FBXL7: variants seen among roughly 807,000 people sequenced by gnomAD.
FBXL7 encodes F-box and leucine rich repeat protein 7, also known as F-box/LRR-repeat protein 7.
FBXL7 carries 12 observed loss-of-function variants against 38.3 expected under a neutral mutation model. The observed-to-expected ratio is 0.31, with a 90% CI of 0.20 to 0.51. The LOEUF (loss-of-function observed/expected upper bound fraction) is 0.51. FBXL7 is among the 20% of genes least tolerant of loss of function. FBXL7 has a pLI of 0.98. For synonymous variants in FBXL7, 297 were observed against 300.9 expected (o/e 0.99, Z 0.13); for missense variants, 567 against 676.4 (o/e 0.84, Z 1.79).
At chr5:15,720,340 T>C (rs1159683533) in intron 2 of FBXL7, among the ~76,000 whole-genome samples, 2 of 148,422 alleles carry the variant, frequency 1.3e-5, no homozygotes, top group Non-Finnish European at 3.0e-5. Flanking sequence ...GGGTAAATTA[T>C]ACAACCAATT....
intron 1 of FBXL7, among the ~76,000 whole-genome samples, chr5:15,595,093 T>C (rs754717397): frequency 2.6e-5 from 4 of 152,228 alleles, no homozygotes; most frequent in Non-Finnish European, 5.9e-5. Context: ...CTGCAGTGTG[T>C]ACAAGACTAT....
At chr5:15,739,157 A>G (rs1475132870) in intron 2 of FBXL7, among the ~76,000 whole-genome samples, 7 of 152,146 alleles carry the variant, frequency 4.6e-5, no homozygotes, top group African/African-American at 1.7e-4. Context: ...CATCCACTTC[A>G]GCTTCCTCTG....
intron 1 of FBXL7, among the ~76,000 whole-genome samples, chr5:15,539,774 A>T (rs925569851): frequency 4.6e-5 from 7 of 151,880 alleles, no homozygotes; most frequent in African/African-American, 1.7e-4. Flanking sequence ...TACTATATTT[A>T]TTACAGTGGC....
intron 2 of FBXL7, among the ~76,000 whole-genome samples, chr5:15,749,151 A>C (rs965374724): frequency 6.7e-6 from 1 of 148,670 alleles, no homozygotes; most frequent in African/African-American, 2.5e-5. Context: ...AGGCTGAGGC[A>C]GGAGAATTGC....
At chr5:15,608,544 G>T (rs1021412250) in intron 1 of FBXL7, among the ~76,000 whole-genome samples, 1 of 152,164 alleles carries the variant, frequency 6.6e-6, no homozygotes, top group Non-Finnish European at 1.5e-5. Flanking sequence ...TCTAGATATT[G>T]CTGTGAAGGT....
intron 1 of FBXL7, among the ~76,000 whole-genome samples, chr5:15,508,098 A>G (rs1736695759): frequency 6.6e-6 from 1 of 152,162 alleles, no homozygotes; most frequent in Admixed American, 6.5e-5. Flanking sequence ...AACCCACCCA[A>G]CAGCATAGCT....
At chr5:15,903,940 T>C (rs1741293972) in intron 2 of FBXL7, among the ~76,000 whole-genome samples, 1 of 152,126 alleles carries the variant, frequency 6.6e-6, no homozygotes, top group Non-Finnish European at 1.5e-5. Context: ...AGTACTTTTT[T>C]ATAGCCTATG....
chr5:15,669,306 GA>G (rs1235530817), intron 2 of FBXL7, among the ~76,000 whole-genome samples: 2 of 152,186 alleles, frequency 1.3e-5, no homozygotes, highest in Non-Finnish European at 2.9e-5. Context: ...TGAGTTTGAA[GA>G]TAAGTTCAGG....
chr5:15,572,708 A>T (rs1041833628), intron 1 of FBXL7, among the ~76,000 whole-genome samples: 1 of 152,136 alleles, frequency 6.6e-6, no homozygotes, highest in Non-Finnish European at 1.5e-5. Flanking sequence ...ATTGTGGAAC[A>T]TTGACTCAGA....
At chr5:15,889,155 A>G (rs1436418287) in intron 2 of FBXL7, among the ~76,000 whole-genome samples, 1 of 152,140 alleles carries the variant, frequency 6.6e-6, no homozygotes, top group African/African-American at 2.4e-5. Context: ...ATCCACTAGG[A>G]AGGAAACTGG....
At chr5:15,831,537 G>C (rs1738456089) in intron 2 of FBXL7, among the ~76,000 whole-genome samples, 1 of 152,172 alleles carries the variant, frequency 6.6e-6, no homozygotes, top group South Asian at 2.1e-4. Flanking sequence ...GTCCAGTGCT[G>C]TGGGGAAACA....
chr5:15,534,156 G>A (rs1462711857), intron 1 of FBXL7, among the ~76,000 whole-genome samples: 1 of 152,096 alleles, frequency 6.6e-6, no homozygotes, highest in East Asian at 1.9e-4. Context: ...GTTACAATCA[G>A]TAAACCTACA....
chr5:15,833,372 TA>T (rs1173424873), intron 2 of FBXL7, among the ~76,000 whole-genome samples: 1 of 152,134 alleles, frequency 6.6e-6, no homozygotes, highest in East Asian at 1.9e-4. Flanking sequence ...AGAGCCCTCA[TA>T]ACCTAATCAC....
At chr5:15,608,508 G>C (rs1740108776) in intron 1 of FBXL7, among the ~76,000 whole-genome samples, 1 of 152,154 alleles carries the variant, frequency 6.6e-6, no homozygotes, top group Admixed American at 6.5e-5. Context: ...CCAGGCTATA[G>C]TACCAAGTAT....
intron 1 of FBXL7, among the ~76,000 whole-genome samples, chr5:15,611,457 GA>G (rs1025301826): frequency 2.6e-5 from 4 of 151,974 alleles, no homozygotes; most frequent in African/African-American, 9.7e-5. Flanking sequence ...GCTTTGCTCA[GA>G]CACGAATTAT....
rs569119116 is a variant in FBXL7, at chr5:15,602,924, CTG to C, written c.38-13058_38-13057del. Among the ~76,000 whole-genome samples, 8 of 152,278 alleles carry C rather than the reference CTG, an allele frequency of 5.3e-5. No individual in the cohort carries two copies. The East Asian group carries it at 1.5e-3, about 29-fold the overall frequency. ...TCATGGCTCACTGCAGCCTCGAACA[CTG>C]GGGCTCAGGGGATCCTCTGGCCTCA... On this transcript the variant is annotated intron_variant, in intron 1 of 3. Transcript: ENST00000504595.
intron 1 of FBXL7, among the ~76,000 whole-genome samples, chr5:15,597,638 G>A (rs896775871): frequency 2.0e-5 from 3 of 152,074 alleles, no homozygotes; most frequent in Non-Finnish European, 4.4e-5. Context: ...ATTTTAATGT[G>A]TAGATTGAAA....
intron 1 of FBXL7, among the ~76,000 whole-genome samples, chr5:15,596,684 C>CG (rs1580393278): frequency 6.6e-6 from 1 of 152,110 alleles, no homozygotes; most frequent in East Asian, 1.9e-4. Context: ...ATCCCCAAGG[C>CG]GGGGAGAAGG....
chr5:15,915,179 G>A (rs993859787), intron 2 of FBXL7, among the ~76,000 whole-genome samples: 4 of 152,152 alleles, frequency 2.6e-5, no homozygotes, highest in Admixed American at 6.5e-5. Context: ...GTAGTGTTCC[G>A]TACAATGCCT....
Sources: gnomAD v4.1 joint callset for allele counts (sites outside exome capture counted in the v4.1 genomes callset) on GRCh38, gnomAD v4.1.1 for gene constraint, MANE v1.5 for transcripts, NCBI Gene and HGNC (gene_info 2026-07-23, HGNC 2026-07-21) for gene names.